EXT1: variants seen among roughly 807,000 people sequenced by gnomAD.
EXT1 encodes the protein exostosin-1.
In EXT1, 20 loss-of-function variants were observed where a neutral mutation model predicts 82.5. That is an observed-to-expected ratio of 0.24 (90% CI 0.17 to 0.35). The LOEUF (loss-of-function observed/expected upper bound fraction) is 0.35. Among genes scored for constraint, EXT1 ranks in the 10% least tolerant of loss-of-function variants. The probability of loss-of-function intolerance (pLI) is 1.00; values close to 1 mark genes in which losing one functional copy is unlikely to be tolerated. For missense variants in EXT1, 757 were observed against 936.5 expected (o/e 0.81, Z 2.50); for synonymous variants, 348 against 350.8 (o/e 0.99, Z 0.09).
intron 9 of EXT1, among the ~76,000 whole-genome samples, chr8:117,805,801 T>C (rs1324603448): frequency 6.6e-6 from 1 of 152,238 alleles, no homozygotes; most frequent in African/African-American, 2.4e-5. Context: ...GAATGTTAGC[T>C]ATCTACCCTC....
At chr8:117,954,532 T>C (rs1814552479) in intron 1 of EXT1, among the ~76,000 whole-genome samples, 1 of 152,216 alleles carries the variant, frequency 6.6e-6, no homozygotes, top group South Asian at 2.1e-4. Context: ...TTCGTTGTTA[T>C]TTAGATTATA....
intron 4 of EXT1, among the ~76,000 whole-genome samples, chr8:117,827,210 T>C (rs932831571): frequency 2.0e-5 from 3 of 152,212 alleles, no homozygotes; most frequent in Admixed American, 1.3e-4. Context: ...CTAGGCTCTT[T>C]GGCTCATTAA....
chr8:118,006,592 A>G (rs1369662360), intron 1 of EXT1, among the ~76,000 whole-genome samples: 1 of 152,252 alleles, frequency 6.6e-6, no homozygotes, highest in African/African-American at 2.4e-5. Flanking sequence ...AAAGAATATT[A>G]GAATAAAGTT....
intron 1 of EXT1, among the ~76,000 whole-genome samples, chr8:118,080,772 C>G (rs543547505): frequency 5.9e-5 from 9 of 152,096 alleles, no homozygotes; most frequent in African/African-American, 1.7e-4. Flanking sequence ...ATAGGTGGAG[C>G]AAGTGTTGGC....
intron 1 of EXT1, among the ~76,000 whole-genome samples, chr8:117,931,389 CTG>C (rs1043786050): frequency 1.3e-4 from 20 of 151,620 alleles, no homozygotes; most frequent in African/African-American, 4.9e-4. Context: ...AAATAAATAA[CTG>C]ATATATTAGC....
In EXT1 at chr8:118,111,724, G is replaced by A. The variant is rs886062644; in HGVS notation, c.-678C>T. On this transcript the variant is annotated 5_prime_UTR_variant, in exon 1 of 11. Transcript: ENST00000378204. ...GCGGCGGCGGCGGCGGCGCTGGGTGGCGGCGGCGGCGCGTCCTCCCCGCGG... is the reference window on the plus strand; with the variant it reads ...GCGGCGGCGGCGGCGGCGCTGGGTGACGGCGGCGGCGCGTCCTCCCCGCGG... The A allele has an allele frequency of 1.2e-3, 184 of 148,156 alleles. No individual in the cohort carries two copies. Among genetic ancestry groups the A allele is most frequent in the Non-Finnish European group, 2.1e-3 (141 of 66,338 alleles). 9.2% of individuals were successfully genotyped at this position (148,156 alleles called of 1,614,324 possible). A position where few individuals can be genotyped will look rare whatever the true frequency, so the allele number is the denominator to read the frequency against.
At chr8:117,991,341 A>G (rs1325210970) in intron 1 of EXT1, among the ~76,000 whole-genome samples, 1 of 152,082 alleles carries the variant, frequency 6.6e-6, no homozygotes, top group African/African-American at 2.4e-5. Context: ...GGTTTTCCCG[A>G]CCAGCTTGCT....
rs550128056 is a variant in EXT1 at position 117,970,239 on chromosome 8, T to C, written c.963-133038A>G. Among the ~76,000 whole-genome samples, 3 of 152,198 alleles carry C rather than the reference T, an allele frequency of 2.0e-5. No individual in the cohort carries two copies. In the South Asian group the frequency reaches 6.2e-4, roughly 32 times the overall value. On this transcript the variant is annotated intron_variant, in intron 1 of 10. Transcript: ENST00000378204. ...GCATGACAGACTCTCCCAGAGAACCTACACCTGGGCTGTACCCCCAGAACT... is the reference window on the plus strand; with the variant it reads ...GCATGACAGACTCTCCCAGAGAACCCACACCTGGGCTGTACCCCCAGAACT...
chr8:118,021,275 A>G (rs1816099034), intron 1 of EXT1, among the ~76,000 whole-genome samples: 1 of 152,168 alleles, frequency 6.6e-6, no homozygotes. Flanking sequence ...TGTTCTGACC[A>G]CTAATATGTC....
At chr8:117,971,752 T>C (rs967917630) in intron 1 of EXT1, among the ~76,000 whole-genome samples, 2 of 152,248 alleles carry the variant, frequency 1.3e-5, no homozygotes, top group African/African-American at 4.8e-5. Flanking sequence ...TTAATCATCA[T>C]CTGGGTTGAA....
intron 1 of EXT1, among the ~76,000 whole-genome samples, chr8:117,936,613 G>T (rs987703948): frequency 1.3e-5 from 2 of 152,174 alleles, no homozygotes; most frequent in Non-Finnish European, 2.9e-5. Flanking sequence ...GGAGGCTCAC[G>T]CTTGTAATCC....
In EXT1 at chr8:117,865,514, T is replaced by C. The variant is rs559240488; in HGVS notation, c.963-28313A>G. On this transcript the variant is annotated intron_variant, in intron 1 of 10. Transcript: ENST00000378204. Reference sequence around the variant, plus strand: ...GACTTACTTAGAAATGACTTCCTTTTGTCTTATACTTACTGAGAGATTTAT... The same window carrying C: ...GACTTACTTAGAAATGACTTCCTTTCGTCTTATACTTACTGAGAGATTTAT... Among the ~76,000 whole-genome samples, 4 of 152,332 alleles carry C rather than the reference T, an allele frequency of 2.6e-5. No homozygotes were observed. In the East Asian group the frequency reaches 7.7e-4, roughly 29 times the overall value.
chr8:117,804,509 T>C (rs2129692565), intron 10 of EXT1, among the ~76,000 whole-genome samples: 1 of 152,372 alleles, frequency 6.6e-6, no homozygotes, highest in Non-Finnish European at 1.5e-5. Context: ...AGGAGAGCTT[T>C]ACATCCTTGG....
chr8:117,835,056 C>A (rs1184167735), intron 3 of EXT1, among the ~76,000 whole-genome samples: 1 of 152,156 alleles, frequency 6.6e-6, no homozygotes, highest in Non-Finnish European at 1.5e-5. Flanking sequence ...GCCCTAGAGA[C>A]CTCTCTCTTT....
chr8:117,917,221 C>T (rs1813769235), intron 1 of EXT1, among the ~76,000 whole-genome samples: 1 of 152,164 alleles, frequency 6.6e-6, no homozygotes, highest in Admixed American at 6.5e-5. Flanking sequence ...CACCTGTAAT[C>T]TTGGCACTCT....
At chr8:117,981,126 T>G (rs936954651) in intron 1 of EXT1, among the ~76,000 whole-genome samples, 2 of 152,196 alleles carry the variant, frequency 1.3e-5, no homozygotes, top group Non-Finnish European at 2.9e-5. Context: ...AAATACTGCC[T>G]CTGTAGAAAA....
intron 4 of EXT1, among the ~76,000 whole-genome samples, chr8:117,827,940 G>A (rs10103242): frequency 0.089 from 13,507 of 151,512 alleles, 761 homozygotes; most frequent in African/African-American, 0.16. Flanking sequence ...GTACATAAAG[G>A]AAAAAAGCCA....
intron 1 of EXT1, among the ~76,000 whole-genome samples, chr8:118,071,502 CG>C (rs1440785939): frequency 7.2e-6 from 1 of 139,600 alleles, no homozygotes; most frequent in Non-Finnish European, 1.5e-5. Context: ...TTGGCAATGA[CG>C]ATTACCATCG....
chr8:117,844,204 G>A (rs1812317916), intron 1 of EXT1, among the ~76,000 whole-genome samples: 1 of 149,974 alleles, frequency 6.7e-6, no homozygotes, highest in African/African-American at 2.5e-5. Context: ...CCAGGCTGCA[G>A]TGCAGTGGTG....
Sources: allele counts gnomAD v4.1 joint callset (sites outside exome capture counted in the v4.1 genomes callset), GRCh38; gene constraint gnomAD v4.1.1; transcripts MANE v1.5; gene names NCBI Gene and HGNC (gene_info 2026-07-23, HGNC 2026-07-21).